ESYT2: variants seen among roughly 807,000 people sequenced by gnomAD.
ESYT2 encodes extended synaptotagmin 2.
Under a neutral mutation model 107.2 loss-of-function variants are expected in ESYT2, and 54 were observed. The observed-to-expected ratio is 0.50, with a 90% CI of 0.40 to 0.63. ESYT2 has a LOEUF of 0.63. Ranked by LOEUF, ESYT2 falls within the 30% of genes least tolerant of loss-of-function variation. The pLI is 0.00. For synonymous variants in ESYT2, 491 were observed against 434.1 expected (o/e 1.13, Z -1.63); for missense variants, 1,020 against 1,094.5 (o/e 0.93, Z 0.96).
chr7:158,738,906 C>T (rs928551845), intron 19 of ESYT2, 117 bp downstream of exon 19: 2 of 1,071,142 alleles, frequency 1.9e-6, no homozygotes, highest in Non-Finnish European at 2.8e-6. Context: ...TTGCTTTGTC[C>T]TTTCTAAATG....
Position 158,760,165 on chromosome 7 carries a change from T to C in ESYT2, c.1234-18A>G, listed in dbSNP as rs368705185. On this transcript the variant is annotated intron_variant, in intron 11 of 22. Coordinates refer to ENST00000275418, the MANE Select transcript of ESYT2 (RefSeq NM_001367773.1). The stretch of plus-strand genomic sequence containing the variant: ...GTGAACCACTGAAGAGAAAAAATGT[T>C]TACGTTCAGCAAAAGTTCTTCTGAA... 6.2e-7 allele frequency: 1 copy of C among 1,609,924 alleles called. No individual in the cohort carries two copies. Among genetic ancestry groups the C allele is most frequent in the Non-Finnish European group, 8.5e-7 (1 of 1,176,552 alleles).
intron 6 of ESYT2, among the ~76,000 whole-genome samples, chr7:158,773,726 A>T (rs1389355403): frequency 1.3e-5 from 2 of 152,208 alleles, no homozygotes; most frequent in Non-Finnish European, 2.9e-5. Context: ...TTTTACATAC[A>T]TGTTCTCATA....
chr7:158,798,646 C>CAAAAAAAAAAAAAAAAAAAAAA lies in ESYT2; in HGVS notation c.372+363_372+384dup. ...GGGCAACAAGAGTGAAGCTCCGTCT[C>CAAAAAAAAAAAAAAAAAAAAAA]AAAAAAAAAAAAAAAAAAAAAAAAA... is the stretch of plus-strand genomic sequence containing the variant. On this transcript the variant is annotated intron_variant, in intron 2 of 22. Transcript: ENST00000275418. Among the ~76,000 whole-genome samples, 2 of 49,852 alleles carry CAAAAAAAAAAAAAAAAAAAAAA rather than the reference C, an allele frequency of 4.0e-5. 1 individual carries two copies. Among genetic ancestry groups the CAAAAAAAAAAAAAAAAAAAAAA allele is most frequent in the Non-Finnish European group, 6.6e-5 (2 of 30,500 alleles). 32.7% of individuals were successfully genotyped at this position (49,852 alleles called of 152,430 possible).
chr7:158,829,483 G>T lies in ESYT2; in HGVS notation c.-65C>A. 8.2e-7 allele frequency: 1 copy of T among 1,214,874 alleles called. No homozygotes were observed. The highest frequency in any genetic ancestry group is 1.0e-6 in the Non-Finnish European group (1 of 977,100). 75.3% of individuals were successfully genotyped at this position (1,214,874 alleles called of 1,614,324 possible). The stretch of plus-strand genomic sequence containing the variant: ...CTGGGTGCTCGCGCTGATCCCGGGC[G>T]GCTCAGCCCCGCGCCAGCGCCCCTC... On this transcript the variant is annotated 5_prime_UTR_variant, in exon 1 of 23. Coordinates refer to ENST00000275418, the MANE Select transcript of ESYT2 (RefSeq NM_001367773.1).
At chr7:158,799,201 T>TA in intron 1 of ESYT2, 129 bp from the exon 2 acceptor site, 1 of 803,970 alleles carries the variant, frequency 1.2e-6, no homozygotes, top group South Asian at 1.8e-5. Flanking sequence ...CACTCTGCTC[T>TA]AAAGCTTGGG....
At chr7:158,811,245 ATTTATT>A (rs1464658962) in intron 1 of ESYT2, among the ~76,000 whole-genome samples, 1 of 152,218 alleles carries the variant, frequency 6.6e-6, no homozygotes, top group African/African-American at 2.4e-5. Context: ...ACCATGGCCC[ATTTATT>A]TTAATTAGAT....
intron 2 of ESYT2, among the ~76,000 whole-genome samples, chr7:158,798,602 T>A (rs796979569): frequency 1.7e-5 from 2 of 119,164 alleles, no homozygotes; most frequent in African/African-American, 6.6e-5. Flanking sequence ...ACCGAGATCA[T>A]GCCATTGCAC....
At chr7:158,794,704 G>A (rs202018663) in intron 3 of ESYT2, among the ~76,000 whole-genome samples, 18 of 86,360 alleles carry the variant, frequency 2.1e-4, no homozygotes, top group African/African-American at 1.2e-3. Flanking sequence ...CTGAGCCCGG[G>A]GGGGTAAGGT....
chr7:158,752,651 G>T, intron 14 of ESYT2, 130 bp downstream of exon 14: 2 of 457,100 alleles, frequency 4.4e-6, no homozygotes, highest in Non-Finnish European at 7.1e-6. Context: ...CAAAAGTAGG[G>T]TCTCTTCCAC....
chr7:158,822,149 T>C (rs1840302953), intron 1 of ESYT2, among the ~76,000 whole-genome samples: 1 of 152,172 alleles, frequency 6.6e-6, no homozygotes, highest in Non-Finnish European at 1.5e-5. Flanking sequence ...AGAATCGTCA[T>C]GAAAACTAAA....
chr7:158,791,205 C>T (rs1479228462), intron 4 of ESYT2, among the ~76,000 whole-genome samples: 1 of 152,186 alleles, frequency 6.6e-6, no homozygotes, highest in Admixed American at 6.5e-5. Flanking sequence ...CAGACGCTGT[C>T]CCTTTGTGTC....
intron 1 of ESYT2, among the ~76,000 whole-genome samples, chr7:158,802,995 AAC>A (rs769639193): frequency 1.3e-5 from 2 of 152,252 alleles, no homozygotes; most frequent in African/African-American, 4.8e-5. Flanking sequence ...AAAAAAACAA[AAC>A]ACACAAAATT....
At position 158,786,748 on chromosome 7, in the gene ESYT2, T is replaced by G. The variant is rs539428972; in HGVS notation, c.747+1256A>C. ...CAAATGACAATTTTTAATCAGTTAT[T>G]TGAATCAAATTATATGAATTAATAT... On this transcript the variant is annotated intron_variant, in intron 6 of 22. Transcript: ENST00000275418. 1.8e-4 allele frequency among the ~76,000 whole-genome samples: 28 copies of G among 152,348 alleles called. No homozygotes were observed. The South Asian group carries it at 5.6e-3, about 30-fold the overall frequency.
At chr7:158,810,949 T>C (rs985694643) in intron 1 of ESYT2, among the ~76,000 whole-genome samples, 2 of 151,012 alleles carry the variant, frequency 1.3e-5, no homozygotes, top group African/African-American at 4.9e-5. Flanking sequence ...TTGTATAGTT[T>C]AAATGGCTGG....
chr7:158,732,995 A>G lies in ESYT2; in HGVS notation c.*1212T>C, dbSNP rs1836797308. 1 of 152,236 alleles carries G rather than the reference A, an allele frequency of 6.6e-6. No homozygotes were observed. Among genetic ancestry groups the G allele is most frequent in the Non-Finnish European group, 1.5e-5 (1 of 68,052 alleles). 9.4% of individuals were successfully genotyped at this position (152,236 alleles called of 1,614,324 possible). A position where few individuals can be genotyped will look rare whatever the true frequency, so the allele number is the denominator to read the frequency against. On this transcript the variant is annotated 3_prime_UTR_variant, in exon 23 of 23. Transcript: ENST00000275418. ...TACAGAAACCTGCTTTTAACAGTCT[A>G]AACAGGATAAAAATTGCATAACAAT...
intron 1 of ESYT2, among the ~76,000 whole-genome samples, chr7:158,813,809 A>G (rs1278552116): frequency 6.6e-6 from 1 of 152,178 alleles, no homozygotes; most frequent in African/African-American, 2.4e-5. Flanking sequence ...TGACTCTCAC[A>G]GATCAAAAAC....
At chr7:158,734,394 G>A in intron 22 of ESYT2, 28 bp downstream of exon 22, 3 of 1,613,310 alleles carry the variant, frequency 1.9e-6, no homozygotes, top group Non-Finnish European at 2.5e-6. Flanking sequence ...ACACACTGGG[G>A]TTCTCTGTCT....
At chr7:158,751,220 A>G (rs1456440267) in intron 14 of ESYT2, among the ~76,000 whole-genome samples, 3 of 152,312 alleles carry the variant, frequency 2.0e-5, no homozygotes, top group Non-Finnish European at 4.4e-5. Flanking sequence ...CTGTTTAGGT[A>G]TACCTGTCAG....
At chr7:158,743,482 C>A (rs1344085831) in intron 17 of ESYT2, 47 bp downstream of exon 17, 8 of 1,566,406 alleles carry the variant, frequency 5.1e-6, no homozygotes, top group Non-Finnish European at 6.9e-6. Context: ...CCTGCCAGCA[C>A]CCGCCTCCCC....
Sources: allele counts gnomAD v4.1 joint callset (sites outside exome capture counted in the v4.1 genomes callset), GRCh38; gene constraint gnomAD v4.1.1; transcripts MANE v1.5; gene names NCBI Gene and HGNC (gene_info 2026-07-23, HGNC 2026-07-21).